Variants in MYO5A observed in about 807,000 individuals in gnomAD.
The protein encoded by MYO5A is unconventional myosin-Va.
A neutral mutation model predicts 249.7 loss-of-function variants in MYO5A; 98 were observed. The observed-to-expected ratio is 0.39, with a 90% CI of 0.33 to 0.46. The LOEUF is 0.46. Among genes scored for constraint, MYO5A ranks in the 20% least tolerant of loss-of-function variants. The pLI, the probability that MYO5A is intolerant of heterozygous loss-of-function variation, is 0.98. For missense variants in MYO5A, 1,696 were observed against 2,308.8 expected (o/e 0.73, Z 5.44); for synonymous variants, 778 against 810.6 (o/e 0.96, Z 0.68).
intron 1 of MYO5A, among the ~76,000 whole-genome samples, chr15:52,498,336 T>A (rs928510801): frequency 6.6e-6 from 1 of 152,162 alleles, no homozygotes; most frequent in Admixed American, 6.5e-5. Context: ...AAATAAATCT[T>A]AAAATTATGA....
At position 52,340,204 on chromosome 15, in the gene MYO5A, C is replaced by T. The variant is rs763946138; in HGVS notation, c.4231G>A (p.Glu1411Lys). The change falls in exon 32 of 42, where the codon GAA (glutamate) becomes AAA (lysine). Residue 1411 changes from glutamate (E) to lysine (K), a missense_variant. Physicochemically the swap from Glu to Lys is moderately conservative, Grantham distance 56. This residue lies in a region of MYO5A where 625 missense variants were observed against 908.1 expected (regional missense o/e 0.69). Transcript: ENST00000399233. ...LQHEITRLTNENLYFEELYAD... is the reference protein window; with the variant it reads ...LQHEITRLTNKNLYFEELYAD... ...CCGGCAGCTCTCCTTACCAAGTTTTCGTTGGTCAGCCGGGTGATCTCGTGC... is the reference window on the plus strand; with the variant it reads ...CCGGCAGCTCTCCTTACCAAGTTTTTGTTGGTCAGCCGGGTGATCTCGTGC... The T allele has an allele frequency of 6.2e-7, 1 of 1,614,070 alleles. No homozygotes were observed. Among genetic ancestry groups the T allele is most frequent in the Non-Finnish European group, 8.5e-7 (1 of 1,180,016 alleles).
At chr15:52,508,633 C>G (rs1242141147) in intron 1 of MYO5A, among the ~76,000 whole-genome samples, 1 of 152,154 alleles carries the variant, frequency 6.6e-6, no homozygotes, top group East Asian at 1.9e-4. Flanking sequence ...ACCCCCACCC[C>G]CTGCCAAAAC....
chr15:52,481,631 T>C (rs2141494034), intron 1 of MYO5A, among the ~76,000 whole-genome samples: 1 of 152,320 alleles, frequency 6.6e-6, no homozygotes, highest in East Asian at 1.9e-4. Context: ...GACATGGATT[T>C]GGGCTAGAAG....
rs1327738914 is a variant in MYO5A at position 52,314,060 on chromosome 15, A to G, written c.5490+63T>C. On this transcript the variant is annotated intron_variant, in intron 41 of 41. Coordinates refer to ENST00000399233, the MANE Select transcript of MYO5A (RefSeq NM_001382347.1). ...AAGATAACACATTATCCTTCAATAA[A>G]TTACAAAATGTCCATTCAAAAGACT... 9 of 1,426,202 alleles carry G rather than the reference A, an allele frequency of 6.3e-6. No individual in the cohort carries two copies. In the East Asian group the frequency reaches 6.8e-5, roughly 11 times the overall value. The allele number at this position is 1,426,202 out of a possible 1,614,324, so 88.3% of individuals were successfully genotyped here. A position where few individuals can be genotyped will look rare whatever the true frequency, so the allele number is the denominator to read the frequency against.
At chr15:52,495,328 T>C (rs1010411801) in intron 1 of MYO5A, among the ~76,000 whole-genome samples, 5 of 152,162 alleles carry the variant, frequency 3.3e-5, no homozygotes, top group African/African-American at 4.8e-5. Flanking sequence ...ATTTCACTTA[T>C]ATGTGGATTG....
Position 52,354,483 on chromosome 15 carries a change from T to C in MYO5A, c.3424-469A>G, listed in dbSNP as rs561049449. On this transcript the variant is annotated intron_variant, in intron 25 of 41. Coordinates refer to ENST00000399233, the MANE Select transcript of MYO5A (RefSeq NM_001382347.1). The stretch of plus-strand genomic sequence containing the variant: ...TGTAATTGCGAAAAACTGACAATAA[T>C]CTGAATGTCAGTCAATAGGACAGTT... 2.6e-5 allele frequency among the ~76,000 whole-genome samples: 4 copies of C among 152,298 alleles called. No individual in the cohort carries two copies. In the South Asian group the frequency reaches 8.3e-4, roughly 32 times the overall value.
intron 31 of MYO5A, 105 bp downstream of exon 31, chr15:52,343,012 A>C: frequency 1.1e-6 from 1 of 905,544 alleles, no homozygotes; most frequent in Non-Finnish European, 1.8e-6. Flanking sequence ...TTTACCCAAG[A>C]AGACAATCAA....
At chr15:52,340,132 A>G (rs1162716568) in intron 32 of MYO5A, 64 bp downstream of exon 32, 17 of 1,577,468 alleles carry the variant, frequency 1.1e-5, no homozygotes, top group Non-Finnish European at 1.4e-5. Context: ...TGTTTGATCA[A>G]AAAGAAACTA....
At chr15:52,508,965 C>T (rs146838402) in intron 1 of MYO5A, among the ~76,000 whole-genome samples, 25 of 151,122 alleles carry the variant, frequency 1.7e-4, no homozygotes, top group African/African-American at 5.9e-4. Flanking sequence ...GTGGATTCAA[C>T]TTTTTTTGTA....
intron 1 of MYO5A, among the ~76,000 whole-genome samples, chr15:52,495,140 AG>A (rs1247876687): frequency 6.6e-6 from 1 of 152,206 alleles, no homozygotes; most frequent in Non-Finnish European, 1.5e-5. Context: ...AACTATCCAA[AG>A]CAAACCTAAG....
At chr15:52,363,792 G>A (rs1463412128) in intron 24 of MYO5A, among the ~76,000 whole-genome samples, 1 of 152,186 alleles carries the variant, frequency 6.6e-6, no homozygotes, top group Non-Finnish European at 1.5e-5. Context: ...TTACAAGTAT[G>A]AAAGGTACAT....
intron 11 of MYO5A, among the ~76,000 whole-genome samples, chr15:52,394,896 A>C (rs1469640466): frequency 6.6e-6 from 1 of 152,256 alleles, no homozygotes; most frequent in Non-Finnish European, 1.5e-5. Flanking sequence ...GCAGAGATGC[A>C]AATCATATTA....
chr15:52,434,785 G>A (rs1296607003), intron 1 of MYO5A, among the ~76,000 whole-genome samples: 1 of 152,148 alleles, frequency 6.6e-6, no homozygotes, highest in African/African-American at 2.4e-5. Context: ...CCATTTTCAT[G>A]AACAAATCAC....
At chr15:52,402,131 A>G (rs2042787149) in intron 9 of MYO5A, among the ~76,000 whole-genome samples, 2 of 152,216 alleles carry the variant, frequency 1.3e-5, no homozygotes, top group Admixed American at 1.3e-4. Context: ...TGCTTCTGTC[A>G]GGCGCCTAGG....
At chr15:52,404,767 A>T (rs973463615) in intron 9 of MYO5A, among the ~76,000 whole-genome samples, 5 of 152,168 alleles carry the variant, frequency 3.3e-5, no homozygotes, top group African/African-American at 1.2e-4. Context: ...AGAGAGAAAC[A>T]GCCTGGCATG....
At chr15:52,484,097 G>A (rs142357302) in intron 1 of MYO5A, among the ~76,000 whole-genome samples, 9 of 152,298 alleles carry the variant, frequency 5.9e-5, no homozygotes, top group African/African-American at 1.7e-4. Context: ...GCCAGGAAAA[G>A]TAACTAATCT....
intron 27 of MYO5A, 144 bp from the exon 28 acceptor site, chr15:52,351,625 G>T: frequency 1.3e-6 from 1 of 781,406 alleles, no homozygotes. Flanking sequence ...GGTTCTGCCA[G>T]GAGCCCTGCT....
At chr15:52,444,710 T>G (rs1276383506) in intron 1 of MYO5A, among the ~76,000 whole-genome samples, 1 of 152,176 alleles carries the variant, frequency 6.6e-6, no homozygotes, top group Non-Finnish European at 1.5e-5. Context: ...TTGTTCTCAA[T>G]GTAGAAAAAA....
At chr15:52,518,506 T>C (rs542017681) in intron 1 of MYO5A, among the ~76,000 whole-genome samples, 7 of 152,310 alleles carry the variant, frequency 4.6e-5, no homozygotes, top group African/African-American at 1.7e-4. Flanking sequence ...CATTTCCCAA[T>C]TTTACAGACA....
Sources: allele counts gnomAD v4.1 joint callset (sites outside exome capture counted in the v4.1 genomes callset), GRCh38; gene constraint gnomAD v4.1.1; regional missense constraint gnomAD v4.1.1; transcripts MANE v1.5; gene names NCBI Gene and HGNC (gene_info 2026-07-23, HGNC 2026-07-21).